PCF11: variants seen among roughly 807,000 people sequenced by gnomAD.
PCF11 encodes pre-mRNA cleavage complex 2 protein Pcf11.
Under a neutral mutation model 166.1 loss-of-function variants are expected in PCF11, and 19 were observed. The observed-to-expected ratio is 0.11, with a 90% confidence interval of 0.08 to 0.17. The LOEUF is 0.17. Among genes scored for constraint, PCF11 ranks in the 10% least tolerant of loss-of-function variants. The pLI is 1.00. For missense variants in PCF11, 1,565 were observed against 1,855.5 expected, an observed-to-expected ratio of 0.84 and a Z score of 2.88; for synonymous variants, 663 against 644.1, an observed-to-expected ratio of 1.03 and a Z score of -0.44.
chr11:83,185,476 C>A (rs1309716322), exon 16 of PCF11: 1 of 152,036 alleles, frequency 6.6e-6, no homozygotes. Flanking sequence ...ACAAACACAT[C>A]TCCAGGTATA....
At position 83,166,176 on chromosome 11, in the gene PCF11, GA is replaced by G. The variant is rs747292217; in HGVS notation, c.1286del (p.Lys429ArgfsTer7). 1 of 1,604,278 alleles carries G rather than the reference GA, an allele frequency of 6.2e-7. No individual in the cohort carries two copies. Among genetic ancestry groups the G allele is most frequent in the Non-Finnish European group, 8.5e-7 (1 of 1,177,386 alleles). ...TGTGAAAGAGAAGAGAAAAACTGCA[GA>G]AAAAAAGGATAAAGATGAGCACATG... On this transcript the variant is annotated frameshift_variant, in exon 5 of 16. Transcript: ENST00000298281. LOFTEE classifies it high-confidence loss of function.
In PCF11 at chr11:83,167,065, T is replaced by C; in HGVS notation, c.1818-60T>C. On this transcript the variant is annotated intron_variant, in intron 5 of 15. Transcript: ENST00000298281. The surrounding 1 kb of genome is among the most constrained non-coding windows in gnomAD (Gnocchi z 4.2). ...ATCCTTTGAAAAGAATCTTTAAATA[T>C]GGTCCTGAGTATTTTTTAAAAAAAC... 1 of 1,295,592 alleles carries C rather than the reference T, an allele frequency of 7.7e-7. No homozygotes were observed. The highest frequency in any genetic ancestry group is 1.1e-6 in the Non-Finnish European group (1 of 923,206). The allele number at this position is 1,295,592 out of a possible 1,614,324, so 80.3% of individuals were successfully genotyped here. A position where few individuals can be genotyped will look rare whatever the true frequency, so the allele number is the denominator to read the frequency against.
In PCF11 at chr11:83,161,569, A is replaced by G. The variant is rs533562022; in HGVS notation, c.318+117A>G. The G allele has an allele frequency of 1.4e-5, 10 of 711,910 alleles. No homozygotes were observed. In the Admixed American group the frequency reaches 3.0e-4, roughly 21 times the overall value. The allele number at this position is 711,910 out of a possible 1,614,324, so 44.1% of individuals were successfully genotyped here. A position where few individuals can be genotyped will look rare whatever the true frequency, so the allele number is the denominator to read the frequency against. On this transcript the variant is annotated intron_variant, in intron 2 of 15. Transcript: ENST00000298281. Reference sequence around the variant, plus strand: ...GGTGAAATGTTTTATACTTTTGGACATTTATCGTTAGTACCATTTCAAAGA... The same window carrying G: ...GGTGAAATGTTTTATACTTTTGGACGTTTATCGTTAGTACCATTTCAAAGA...
At chr11:83,179,273 A>G (rs1189317541) in intron 11 of PCF11, among the ~76,000 whole-genome samples, 2 of 151,070 alleles carry the variant, frequency 1.3e-5, no homozygotes, top group African/African-American at 2.4e-5. Context: ...TTTTTGAGAC[A>G]GAGTCTCACT....
chr11:83,175,961 C>CT (rs1213052128), intron 9 of PCF11, among the ~76,000 whole-genome samples: 2 of 152,172 alleles, frequency 1.3e-5, no homozygotes, highest in East Asian at 3.8e-4. Flanking sequence ...GGGCAGTATG[C>CT]TTTTTAGCAA....
Position 83,169,762 on chromosome 11 carries a change from T to G in PCF11, c.3427T>G (p.Phe1143Val), listed in dbSNP as rs762634985. Residue 1143 changes from phenylalanine (F) to valine (V), a missense_variant, in exon 8 of 16, where the codon TTT becomes GTT. Phe to Val is a conservative substitution (Grantham distance 50). Coordinates refer to ENST00000298281, the Ensembl canonical transcript of PCF11. ...ATATAATGATCCACCTGGCAATGCT[T>G]TTAATGCCCCATCCCAAGGACTACA... 19 of 1,613,796 alleles carry G rather than the reference T, an allele frequency of 1.2e-5. No homozygotes were observed. In the Admixed American group the frequency reaches 3.2e-4, roughly 27 times the overall value.
At chr11:83,157,943 G>A (rs1181479465) in intron 1 of PCF11, 10 of 298,758 alleles carry the variant, frequency 3.3e-5, no homozygotes, top group Non-Finnish European at 6.3e-5. Context: ...CTTAAAGGCA[G>A]TTTGTGGTTT....
In PCF11 at chr11:83,173,719, CTTTTTTTTTTTTTTTT is replaced by C. The variant is rs869126679; in HGVS notation, c.3757+1818_3757+1833del. ...AATTTTCTTGTTTCTTTCTTTCTTT[CTTTTTTTTTTTTTTTT>C]TTTTTTTTTTTTGAGACGAGTCTTG... is the stretch of plus-strand genomic sequence containing the variant. On this transcript the variant is annotated intron_variant, in intron 9 of 15. Coordinates refer to ENST00000298281, the Ensembl canonical transcript of PCF11. Among the ~76,000 whole-genome samples the C allele has an allele frequency of 2.2e-4, 13 of 59,072 alleles. No individual in the cohort carries two copies. The South Asian group carries it at 7.0e-3, about 32-fold the overall frequency. 38.8% of individuals were successfully genotyped at this position (59,072 alleles called of 152,430 possible).
intron 2 of PCF11, among the ~76,000 whole-genome samples, chr11:83,162,685 A>G (rs928138540): frequency 6.6e-6 from 1 of 152,240 alleles, no homozygotes; most frequent in African/African-American, 2.4e-5. Context: ...ACTTATGAAT[A>G]TAGTTAAGGC....
intron 11 of PCF11, 46 bp downstream of exon 11, chr11:83,177,865 T>C: frequency 1.2e-6 from 1 of 830,892 alleles, no homozygotes; most frequent in South Asian, 1.7e-5. Context: ...GTGACTTTAA[T>C]AACACTGTTA....
At chr11:83,170,278 G>A (rs1458062001) in intron 8 of PCF11, among the ~76,000 whole-genome samples, 1 of 151,766 alleles carries the variant, frequency 6.6e-6, no homozygotes, top group Non-Finnish European at 1.5e-5. Context: ...TTGCTTTAAA[G>A]CTTTTGAGAT....
chr11:83,184,853 T>C (rs1861222084), exon 16 of PCF11: 3 of 1,574,288 alleles, frequency 1.9e-6, no homozygotes, highest in African/African-American at 2.8e-5. Flanking sequence ...AGCAACACCC[T>C]CTGAAATTAA....
intron 4 of PCF11, 90 bp downstream of exon 4, chr11:83,164,491 C>T (rs1195998897): frequency 4.5e-6 from 4 of 897,236 alleles, no homozygotes; most frequent in Non-Finnish European, 5.1e-6. Flanking sequence ...TAACATGTTA[C>T]TTTTATTAAT....
chr11:83,159,007 T>G (rs1408026591), intron 1 of PCF11: 1 of 152,214 alleles, frequency 6.6e-6, no homozygotes, highest in East Asian at 1.9e-4. Context: ...TTAGGTTCCA[T>G]CCACTCTTTT....
rs1428861616 is a variant in PCF11, at chr11:83,167,895, A to G, written c.2092+390A>G. 2 of 1,298,380 alleles carry G rather than the reference A, an allele frequency of 1.5e-6. No homozygotes were observed. Among genetic ancestry groups the G allele is most frequent in the South Asian group, 1.2e-5 (1 of 80,804 alleles). 80.4% of individuals were successfully genotyped at this position (1,298,380 alleles called of 1,614,324 possible). A position where few individuals can be genotyped will look rare whatever the true frequency, so the allele number is the denominator to read the frequency against. ...AAGACATGACGAGCAAGTCTCTGCT[A>G]AAGGTAGAAAAAGTTAAATCAGATT... On this transcript the variant is annotated intron_variant, in intron 7 of 15. Coordinates refer to ENST00000298281, the Ensembl canonical transcript of PCF11. The surrounding 1 kb of genome is among the most constrained non-coding windows in gnomAD (Gnocchi z 4.2).
At chr11:83,160,127 A>C (rs992740306) in intron 1 of PCF11, among the ~76,000 whole-genome samples, 1 of 152,142 alleles carries the variant, frequency 6.6e-6, no homozygotes, top group Non-Finnish European at 1.5e-5. Context: ...CCCTTAGCCA[A>C]CTTTTGGTTG....
At chr11:83,169,470 G>C (rs766298989) in exon 8 of PCF11, 2 of 1,613,756 alleles carry the variant, frequency 1.2e-6, no homozygotes, top group Non-Finnish European at 1.7e-6. Context: ...AGCCAGGTCA[G>C]CCGTCACTCT....
rs146211937 is a variant in PCF11, at chr11:83,166,254, A to G, written c.1357A>G (p.Ile453Val). The G allele has an allele frequency of 8.2e-5, 133 of 1,613,492 alleles. 3 individuals are homozygous for G. The African/African-American group carries it at 1.5e-3, about 18-fold the overall frequency. ...AAGTAGAAATAAAATCATAAATGGC[A>G]TTGTACAAAAACAGGATACAATAAC... The change falls in exon 5 of 16, where the codon ATT (isoleucine) becomes GTT (valine). Residue 453 changes from isoleucine (I) to valine (V), a missense_variant. Transcript: ENST00000298281.
chr11:83,157,559 G>A (rs1220940065), exon 1 of PCF11: 1 of 1,614,030 alleles, frequency 6.2e-7, no homozygotes, highest in South Asian at 1.1e-5. Context: ...TCAATATGCT[G>A]ACCATTCTAG....
Sources: gnomAD v4.1 joint callset for allele counts (sites outside exome capture counted in the v4.1 genomes callset) on GRCh38, gnomAD v4.1.1 for gene constraint, Gnocchi (gnomAD v3.1) non-coding constraint, MANE v1.5 for transcripts, NCBI Gene and HGNC (gene_info 2026-07-23, HGNC 2026-07-21) for gene names.